ECSIT: variants seen among roughly 807,000 people sequenced by gnomAD.
ECSIT encodes ECSIT signaling integrator, also known as evolutionarily conserved signaling intermediate in Toll pathway, mitochondrial.
In ECSIT, 29 loss-of-function variants were observed where a neutral mutation model predicts 36.8. That is an observed-to-expected ratio of 0.79 (90% CI 0.59 to 1.08). The LOEUF is 1.08. ECSIT is among the 50% of genes least tolerant of loss of function. The pLI is 0.00. For synonymous variants in ECSIT, 231 were observed against 234.8 expected (o/e 0.98, Z 0.15); for missense variants, 542 against 581.0 (o/e 0.93, Z 0.69).
intron 4 of ECSIT, among the ~76,000 whole-genome samples, chr19:11,510,208 C>G (rs564481529): frequency 1.3e-5 from 2 of 151,590 alleles, no homozygotes; most frequent in Admixed American, 6.6e-5. Context: ...CAGGATCTTG[C>G]TCTGTCACCC....
intron 4 of ECSIT, among the ~76,000 whole-genome samples, chr19:11,508,670 G>A (rs1195227993): frequency 2.6e-5 from 4 of 151,336 alleles, no homozygotes; most frequent in Non-Finnish European, 5.9e-5. Flanking sequence ...CTCCTGCGTC[G>A]GCCTCCCAAG....
intron 1 of ECSIT, among the ~76,000 whole-genome samples, chr19:11,527,855 C>G (rs1206138316): frequency 1.3e-5 from 2 of 151,994 alleles, no homozygotes; most frequent in African/African-American, 4.8e-5. Context: ...TTAGCTGGAC[C>G]TGGTGGTGTG....
chr19:11,506,379 C>T lies in ECSIT; in HGVS notation c.1101G>A (p.Gln367=), dbSNP rs145055878. Residue 367 remains glutamine (Q), a synonymous_variant, in exon 8 of 8, where the codon CAG becomes CAA. Transcript: ENST00000270517. ...FAMCMAGAHD[Q]ATMAKWIQGL... ...CCTGGATCCACTTAGCCATCGTCGC[C>T]TGGTCATGAGCACCCGCCATGCACA... 2 of 1,613,588 alleles carry T rather than the reference C, an allele frequency of 1.2e-6. No homozygotes were observed. Among genetic ancestry groups the T allele is most frequent in the African/African-American group, 2.7e-5 (2 of 74,948 alleles).
intron 1 of ECSIT, among the ~76,000 whole-genome samples, chr19:11,524,965 C>T (rs764524988): frequency 6.6e-6 from 1 of 151,700 alleles, no homozygotes; most frequent in Non-Finnish European, 1.5e-5. Context: ...GGTGAAACCC[C>T]GTCTCTACTA....
In ECSIT at chr19:11,506,097, T is replaced by C. The variant is rs913462243; in HGVS notation, c.*87A>G. ...GAAGAGAGCCCCAAGCAGGAAAACA[T>C]TGATTTGCTGTACACTCAAAGGGCA... is the stretch of plus-strand genomic sequence containing the variant. On this transcript the variant is annotated 3_prime_UTR_variant, in exon 8 of 8. Coordinates refer to ENST00000270517, the MANE Select transcript of ECSIT (RefSeq NM_016581.5). The C allele has an allele frequency of 4.0e-5, 62 of 1,541,928 alleles. No individual in the cohort carries two copies. Among genetic ancestry groups the C allele is most frequent in the African/African-American group, 2.9e-4 (21 of 73,136 alleles).
At position 11,507,444 on chromosome 19, in the gene ECSIT, G is replaced by C. The variant is rs763033896; in HGVS notation, c.1051+13C>G. ...GCACACATGTGAGCCACCGCACCTG[G>C]CCCAGTTTTTACCTTCATTGATGTC... On this transcript the variant is annotated intron_variant, in intron 7 of 7. Transcript: ENST00000270517. The C allele has an allele frequency of 6.2e-7, 1 of 1,608,994 alleles. No individual in the cohort carries two copies. Among genetic ancestry groups the C allele is most frequent in the Middle Eastern group, 1.7e-4 (1 of 6,052 alleles).
In ECSIT at chr19:11,526,719, C is replaced by CTTT. The variant is rs549859600; in HGVS notation, c.-24+2340_-24+2342dup. ...TTCTCCCCACTATGGCCAGAGGGAGCTTTTTTTTTTTTTTTTTGGAGACAG... is the reference window on the plus strand; with the variant it reads ...TTCTCCCCACTATGGCCAGAGGGAGCTTTTTTTTTTTTTTTTTTTTGGAGACAG... On this transcript the variant is annotated intron_variant, in intron 1 of 7. Coordinates refer to ENST00000270517, the MANE Select transcript of ECSIT (RefSeq NM_016581.5). Among the ~76,000 whole-genome samples the CTTT allele has an allele frequency of 7.6e-5, 10 of 131,736 alleles. 1 individual carries two copies. The highest frequency in any genetic ancestry group is 4.9e-4 in the South Asian group (2 of 4,086). The allele number at this position is 131,736 out of a possible 152,430, so 86.4% of individuals were successfully genotyped here. A position where few individuals can be genotyped will look rare whatever the true frequency, so the allele number is the denominator to read the frequency against.
chr19:11,524,525 AAAAT>A (rs973957250), intron 1 of ECSIT, among the ~76,000 whole-genome samples: 1 of 151,982 alleles, frequency 6.6e-6, no homozygotes, highest in Non-Finnish European at 1.5e-5. Flanking sequence ...CTCCGTCTCA[AAAAT>A]AAATAAATAA....
At chr19:11,527,931 C>G (rs1418433050) in intron 1 of ECSIT, among the ~76,000 whole-genome samples, 2 of 152,092 alleles carry the variant, frequency 1.3e-5, no homozygotes. Context: ...GAGTTTGAGG[C>G]TGCAGTGAGC....
rs893265997 is a variant in ECSIT, at chr19:11,513,839, C to T, written c.479G>A (p.Cys160Tyr). The T allele has an allele frequency of 2.5e-6, 4 of 1,614,028 alleles. No individual in the cohort carries two copies. The highest frequency in any genetic ancestry group is 3.4e-6 in the Non-Finnish European group (4 of 1,180,050). The change falls in exon 3 of 8, where the codon TGT (cysteine) becomes TAT (tyrosine). Residue 160 changes from cysteine to tyrosine, a missense_variant. Physicochemically the swap from Cys to Tyr is radical, Grantham distance 194. Coordinates refer to ENST00000270517, the MANE Select transcript of ECSIT (RefSeq NM_016581.5). Reference sequence around the variant, plus strand: ...CATCTGCTCCAGGACAGCAATCCCACACTCCTGCTGCCGAGGGTAGTGGAC... The same window carrying T: ...CATCTGCTCCAGGACAGCAATCCCATACTCCTGCTGCCGAGGGTAGTGGAC... Reference protein sequence around the residue: ...IFVHYPRQQECGIAVLEQMEN... With the variant: ...IFVHYPRQQEYGIAVLEQMEN...
In ECSIT at chr19:11,507,745, T is replaced by G. The variant is rs547563011; in HGVS notation, c.902A>C (p.Tyr301Ser). 5.6e-6 allele frequency: 9 copies of G among 1,614,082 alleles called. No individual in the cohort carries two copies. In the East Asian group the frequency reaches 1.8e-4, roughly 32 times the overall value. The change falls in exon 6 of 8, where the codon TAT (tyrosine) becomes TCT (serine). Residue 301 changes from tyrosine to serine, a missense_variant. Coordinates refer to ENST00000270517, the MANE Select transcript of ECSIT (RefSeq NM_016581.5). ...CAAGTCAGCTCTGAGGATGTGGTAATACACACACTTGTTGCGGAGCCACAG... is the reference window on the plus strand; with the variant it reads ...CAAGTCAGCTCTGAGGATGTGGTAAGACACACACTTGTTGCGGAGCCACAG... ...FSLWLRNKCV[Y>S]YHILRADLLP...
At chr19:11,522,321 C>A (rs574821090) in intron 1 of ECSIT, 11 of 704,618 alleles carry the variant, frequency 1.6e-5, no homozygotes, top group Admixed American at 7.9e-5. Context: ...CCCGGTACCC[C>A]ACCTGGACCC....
chr19:11,522,198 T>C, intron 1 of ECSIT: 1 of 523,768 alleles, frequency 1.9e-6, no homozygotes, highest in Non-Finnish European at 3.4e-6. Context: ...GGTGAAGAAC[T>C]TCGGCATCTG....
At position 11,507,477 on chromosome 19, in the gene ECSIT, T is replaced by G. The variant is rs1971772198; in HGVS notation, c.1031A>C (p.Tyr344Ser). 1 of 1,613,974 alleles carries G rather than the reference T, an allele frequency of 6.2e-7. No individual in the cohort carries two copies. The highest frequency in any genetic ancestry group is 1.3e-5 in the African/African-American group (1 of 74,998). The change falls in exon 7 of 8, where the codon TAC becomes TCC. Residue 344 changes from tyrosine (Y) to serine (S), a missense_variant. Coordinates refer to ENST00000270517, the MANE Select transcript of ECSIT (RefSeq NM_016581.5). ...TTTACCTTCATTGATGTCAAACTCG[T>G]AGTTGTCCCAGCCACTCCTCACATA... ...LEYVRSGWDN[Y>S]EFDINEVEEG...
At chr19:11,507,309 G>T (rs555007668) in intron 7 of ECSIT, 148 bp downstream of exon 7, 7 of 675,100 alleles carry the variant, frequency 1.0e-5, no homozygotes, top group Admixed American at 2.2e-5. Flanking sequence ...TTGACACAGG[G>T]TCTATCATGT....
chr19:11,519,023 A>AAATCCC lies in ECSIT; in HGVS notation c.96+46_96+51dup. 1 of 1,471,752 alleles carries AAATCCC rather than the reference A, an allele frequency of 6.8e-7. No homozygotes were observed. The highest frequency in any genetic ancestry group is 2.5e-5 in the East Asian group (1 of 40,530). The allele number at this position is 1,471,752 out of a possible 1,614,324, so 91.2% of individuals were successfully genotyped here. ...AGTGGATTCTGAAGGAGTTGGGAGCAAATCCCAAGCTTACCTCCCTCTACC... is the reference window on the plus strand; with the variant it reads ...AGTGGATTCTGAAGGAGTTGGGAGCAAATCCCAATCCCAAGCTTACCTCCCTCTACC... On this transcript the variant is annotated intron_variant, in intron 2 of 7. Transcript: ENST00000270517. This position sits in a 1 kb window ranked among gnomAD's most constrained non-coding sequence, Gnocchi z 4.4.
chr19:11,527,286 C>T (rs1972235042), intron 1 of ECSIT, among the ~76,000 whole-genome samples: 1 of 152,168 alleles, frequency 6.6e-6, no homozygotes, highest in South Asian at 2.1e-4. Flanking sequence ...TGTGCCACTG[C>T]ACCCCAGTCT....
At chr19:11,517,000 C>G (rs1229939369) in intron 2 of ECSIT, among the ~76,000 whole-genome samples, 1 of 151,998 alleles carries the variant, frequency 6.6e-6, no homozygotes, top group Admixed American at 6.6e-5. Flanking sequence ...GCATGGGCAA[C>G]AGAGCGAGAC....
At chr19:11,527,963 G>A (rs1972249259) in intron 1 of ECSIT, among the ~76,000 whole-genome samples, 1 of 152,130 alleles carries the variant, frequency 6.6e-6, no homozygotes, top group South Asian at 2.1e-4. Context: ...CTGCACCACT[G>A]CACTCCAGGC....
Sources: gnomAD v4.1 joint callset for allele counts (sites outside exome capture counted in the v4.1 genomes callset) on GRCh38, gnomAD v4.1.1 for gene constraint, Gnocchi (gnomAD v3.1) non-coding constraint, MANE v1.5 for transcripts, NCBI Gene and HGNC (gene_info 2026-07-23, HGNC 2026-07-21) for gene names.